The following PDE4D variants were observed in gnomAD, a reference collection of about 807,000 sequenced individuals.
PDE4D encodes the protein phosphodiesterase 4D.
A neutral mutation model predicts 87.4 loss-of-function variants in PDE4D; 24 were observed. The observed-to-expected ratio is 0.27, with a 90% confidence interval of 0.20 to 0.39. The LOEUF (loss-of-function observed/expected upper bound fraction) is 0.39, where lower values mean the gene tolerates loss of function less well. PDE4D is among the 10% of genes least tolerant of loss of function. PDE4D has a pLI of 1.00. For synonymous variants in PDE4D, 384 were observed against 383.2 expected, an observed-to-expected ratio of 1.00 and a Z score of -0.02; for missense variants, 714 against 1,041.0, an observed-to-expected ratio of 0.69 and a Z score of 4.32.
In PDE4D at chr5:58,988,486, T is replaced by C. The variant is rs768894375; in HGVS notation, c.1552+7A>G. On this transcript the variant is annotated splice_region_variant and intron_variant, in intron 11 of 14. Transcript: ENST00000340635. The stretch of plus-strand genomic sequence containing the variant: ...AAATGTGTTCTGAAAAAATAAAGTT[T>C]ACTTACTTGTATTGATCAGAAATTG... 75 of 1,268,512 alleles carry C rather than the reference T, an allele frequency of 5.9e-5. No individual in the cohort carries two copies. In the South Asian group the frequency reaches 1.2e-3, roughly 20 times the overall value. The allele number at this position is 1,268,512 out of a possible 1,614,324, so 78.6% of individuals were successfully genotyped here.
intron 1 of PDE4D, among the ~76,000 whole-genome samples, chr5:59,622,181 A>G (rs1342610598): frequency 6.6e-6 from 1 of 152,112 alleles, no homozygotes; most frequent in Non-Finnish European, 1.5e-5. Flanking sequence ...ATATATATAT[A>G]TGCACACACA....
At chr5:59,718,056 C>T (rs1363983775) in intron 1 of PDE4D, among the ~76,000 whole-genome samples, 1 of 152,194 alleles carries the variant, frequency 6.6e-6, no homozygotes, top group Non-Finnish European at 1.5e-5. Context: ...TCTAGTGTTA[C>T]AATCTCCATT....
intron 2 of PDE4D, among the ~76,000 whole-genome samples, chr5:60,036,352 G>C (rs1173081964): frequency 6.6e-6 from 1 of 152,126 alleles, no homozygotes; most frequent in African/African-American, 2.4e-5. Context: ...TAAGGAATAC[G>C]TTTTGTTTAA....
chr5:58,988,515 G>A lies in PDE4D; in HGVS notation c.1530C>T (p.Ser510=). The change falls in exon 11 of 15, where the codon TCC becomes TCT. Residue 510 remains serine (S), a synonymous_variant. Transcript: ENST00000340635. ...AIHDVDHPGV[S]NQFLINTNSE... is the part of the protein sequence containing the mutation. ...TACTTGTATTGATCAGAAATTGATT[G>A]GACACACCAGGATGATCTACATCAT... is the stretch of plus-strand genomic sequence containing the variant. 1.4e-6 allele frequency: 2 copies of A among 1,474,758 alleles called. No homozygotes were observed. The highest frequency in any genetic ancestry group is 1.7e-4 in the Middle Eastern group (1 of 5,762). 91.4% of individuals were successfully genotyped at this position (1,474,758 alleles called of 1,614,324 possible). A position where few individuals can be genotyped will look rare whatever the true frequency, so the allele number is the denominator to read the frequency against.
chr5:60,429,539 G>T (rs1297948335), intron 1 of PDE4D, among the ~76,000 whole-genome samples: 1 of 152,158 alleles, frequency 6.6e-6, no homozygotes, highest in African/African-American at 2.4e-5. Flanking sequence ...TCCTTGTCTT[G>T]TTCCAGTTCT....
At chr5:59,936,655 C>T (rs184142121) in intron 3 of PDE4D, among the ~76,000 whole-genome samples, 115 of 152,286 alleles carry the variant, frequency 7.6e-4, no homozygotes, top group African/African-American at 2.6e-3. Context: ...TCTCACTCTC[C>T]CATCTTTCAG....
intron 1 of PDE4D, among the ~76,000 whole-genome samples, chr5:59,615,642 A>G (rs1270182839): frequency 6.6e-6 from 1 of 152,214 alleles, no homozygotes; most frequent in Non-Finnish European, 1.5e-5. Flanking sequence ...GTCTTCTTCA[A>G]TTGTGAGGAA....
rs902455822 is a variant in PDE4D at position 59,770,843 on chromosome 5, T to G, written c.455+122325A>C. ...ATGGGTGCTCTAGGATATTTAAAGA[T>G]TAGCTTGGCCAGGTGTGGTGGCTCA... On this transcript the variant is annotated intron_variant, in intron 1 of 14. Coordinates refer to ENST00000340635, the MANE Select transcript of PDE4D (RefSeq NM_001104631.2). Among the ~76,000 whole-genome samples the G allele has an allele frequency of 2.6e-5, 4 of 152,152 alleles. No individual in the cohort carries two copies. In the East Asian group the frequency reaches 7.7e-4, roughly 29 times the overall value.
chr5:60,508,351 C>G (rs1186136115), intron 1 of PDE4D, among the ~76,000 whole-genome samples: 1 of 152,184 alleles, frequency 6.6e-6, no homozygotes, highest in Non-Finnish European at 1.5e-5. Context: ...AAAACTGTGT[C>G]TAGGTCAACT....
At chr5:60,053,053 T>C (rs1226480095) in intron 2 of PDE4D, among the ~76,000 whole-genome samples, 3 of 152,100 alleles carry the variant, frequency 2.0e-5, no homozygotes, top group African/African-American at 4.8e-5. Flanking sequence ...CAAAAACAAA[T>C]GGAAAAACAT....
At chr5:59,256,363 A>G (rs934618079) in intron 1 of PDE4D, among the ~76,000 whole-genome samples, 1 of 152,060 alleles carries the variant, frequency 6.6e-6, no homozygotes, top group Non-Finnish European at 1.5e-5. Context: ...GCCTCCTTTT[A>G]ATAGGCATGA....
Position 59,039,067 on chromosome 5 carries a change from C to G in PDE4D, c.809-96G>C, listed in dbSNP as rs1416462638. On this transcript the variant is annotated intron_variant, in intron 5 of 14. Coordinates refer to ENST00000340635, the MANE Select transcript of PDE4D (RefSeq NM_001104631.2). Reference sequence around the variant, plus strand: ...GGCCATCCTGCCATACCCCGCCATGCTCGGATGCCCGGTGCCGGCACATGA... The same window carrying G: ...GGCCATCCTGCCATACCCCGCCATGGTCGGATGCCCGGTGCCGGCACATGA... The G allele has an allele frequency of 8.0e-6, 12 of 1,498,050 alleles. 1 individual carries two copies. In the South Asian group the frequency reaches 1.4e-4, roughly 18 times the overall value. The allele number at this position is 1,498,050 out of a possible 1,614,324, so 92.8% of individuals were successfully genotyped here.
intron 6 of PDE4D, among the ~76,000 whole-genome samples, chr5:59,000,241 CT>C (rs1273507779): frequency 6.6e-6 from 1 of 152,180 alleles, no homozygotes; most frequent in Non-Finnish European, 1.5e-5. Flanking sequence ...ATTGCCCATC[CT>C]TTTGGAGGGC....
chr5:60,095,792 C>T (rs768565444), intron 2 of PDE4D, among the ~76,000 whole-genome samples: 75 of 152,116 alleles, frequency 4.9e-4, no homozygotes, highest in Middle Eastern at 3.4e-3. Context: ...TTCTAACTGG[C>T]GTGAGATGGT....
At chr5:60,304,382 A>G (rs1050824210) in intron 1 of PDE4D, among the ~76,000 whole-genome samples, 1 of 151,694 alleles carries the variant, frequency 6.6e-6, no homozygotes, top group African/African-American at 2.4e-5. Context: ...GCGGTGGCTC[A>G]CGCCTGTAAT....
chr5:59,666,702 T>C (rs560961878), intron 1 of PDE4D, among the ~76,000 whole-genome samples: 18 of 152,322 alleles, frequency 1.2e-4, no homozygotes, highest in Admixed American at 2.0e-4. Flanking sequence ...AGTAAGCAAC[T>C]GAATTGTAAA....
At chr5:59,956,765 T>C (rs1378825092) in intron 3 of PDE4D, among the ~76,000 whole-genome samples, 2 of 152,208 alleles carry the variant, frequency 1.3e-5, no homozygotes, top group African/African-American at 4.8e-5. Context: ...TATCTTATAG[T>C]TTGGCTTTGT....
Position 60,066,486 on chromosome 5 carries a change from T to A in PDE4D, c.43-77769A>T, listed in dbSNP as rs114418730. On this transcript the variant is annotated intron_variant, in intron 2 of 16. Transcript: ENST00000502484. ...CAAGGTACACTATTGACCTAGAAAG[T>A]GAAATGAAATAATCAATTTGGGGTC... Among the ~76,000 whole-genome samples, 826 of 152,178 alleles carry A rather than the reference T, an allele frequency of 5.4e-3. 11 individuals are homozygous for A. The highest frequency in any genetic ancestry group is 0.019 in the African/African-American group (772 of 41,546).
intron 2 of PDE4D, among the ~76,000 whole-genome samples, chr5:60,158,824 C>T (rs1049524261): frequency 1.2e-4 from 18 of 152,194 alleles, no homozygotes; most frequent in Non-Finnish European, 2.5e-4. Flanking sequence ...CCGCCTCGGC[C>T]TCCCAAAGTG....
Sources: allele counts gnomAD v4.1 joint callset (sites outside exome capture counted in the v4.1 genomes callset), GRCh38; gene constraint gnomAD v4.1.1; transcripts MANE v1.5; gene names NCBI Gene and HGNC (gene_info 2026-07-23, HGNC 2026-07-21).